Variants in TCF7L2 observed in about 807,000 individuals in gnomAD.
TCF7L2 encodes the protein transcription factor 7-like 2.
In TCF7L2, 23 loss-of-function variants were observed where a neutral mutation model predicts 77.9. The observed-to-expected ratio is 0.30, with a 90% CI of 0.21 to 0.42. TCF7L2 has a LOEUF of 0.42. Among genes scored for constraint, TCF7L2 ranks in the 10% least tolerant of loss-of-function variants. The pLI, the probability that TCF7L2 is intolerant of heterozygous loss-of-function variation, is 1.00. For synonymous variants in TCF7L2, 413 were observed against 340.2 expected, an observed-to-expected ratio of 1.21 and a Z score of -2.36; for missense variants, 654 against 793.1, an observed-to-expected ratio of 0.82 and a Z score of 2.11.
chr10:112,996,430 T>G (rs1275973941), intron 4 of TCF7L2, among the ~76,000 whole-genome samples: 1 of 152,100 alleles, frequency 6.6e-6, no homozygotes, highest in Non-Finnish European at 1.5e-5. Context: ...AAGGAAATAT[T>G]TTATGGAGAG....
At chr10:113,028,257 C>A (rs1468563597) in intron 4 of TCF7L2, among the ~76,000 whole-genome samples, 2 of 152,170 alleles carry the variant, frequency 1.3e-5, no homozygotes, top group African/African-American at 4.8e-5. Flanking sequence ...TAATTTGTTA[C>A]AGCAAGATGA....
chr10:113,008,373 GAT>G (rs2045926983), intron 4 of TCF7L2, among the ~76,000 whole-genome samples: 1 of 152,180 alleles, frequency 6.6e-6, no homozygotes, highest in Non-Finnish European at 1.5e-5. Flanking sequence ...AGTGCCCCCA[GAT>G]ACACCTGTCT....
intron 4 of TCF7L2, among the ~76,000 whole-genome samples, chr10:113,023,256 T>C (rs746594025): frequency 5.9e-5 from 9 of 152,194 alleles, no homozygotes; most frequent in Non-Finnish European, 1.3e-4. Context: ...GAAGACCTTT[T>C]GGTTGGGATG....
At chr10:113,157,695 T>G (rs2072243452) in intron 11 of TCF7L2, 1 of 254,600 alleles carries the variant, frequency 3.9e-6, no homozygotes, top group African/African-American at 2.2e-5. Flanking sequence ...TGAATCTTCC[T>G]CGTGCCGTCC....
intron 11 of TCF7L2, 149 bp downstream of exon 11, chr10:113,152,589 A>G: frequency 1.6e-6 from 1 of 628,178 alleles, no homozygotes; most frequent in East Asian, 2.8e-5. Flanking sequence ...ATCTTCCTGG[A>G]TCGCTAAACT....
intron 3 of TCF7L2, among the ~76,000 whole-genome samples, chr10:112,958,106 T>C (rs1464657523): frequency 6.6e-6 from 1 of 152,250 alleles, no homozygotes; most frequent in Admixed American, 6.5e-5. Context: ...GTGGGATCTT[T>C]GAACGGGTTA....
At chr10:113,138,559 T>C (rs994534168) in intron 5 of TCF7L2, among the ~76,000 whole-genome samples, 6 of 152,180 alleles carry the variant, frequency 3.9e-5, no homozygotes, top group African/African-American at 1.4e-4. Flanking sequence ...TTGTGCTTCT[T>C]TACTGTAGAC....
At chr10:113,104,386 GC>G (rs2062013284) in intron 5 of TCF7L2, among the ~76,000 whole-genome samples, 2 of 152,180 alleles carry the variant, frequency 1.3e-5, no homozygotes, top group African/African-American at 4.8e-5. Flanking sequence ...ATAGCCAGAG[GC>G]CAAGATCCCT....
intron 4 of TCF7L2, among the ~76,000 whole-genome samples, chr10:112,990,474 A>G (rs1330795502): frequency 6.6e-6 from 1 of 152,140 alleles, no homozygotes; most frequent in Non-Finnish European, 1.5e-5. Flanking sequence ...TGGGAGGCTG[A>G]GGTGGGTGGA....
chr10:113,023,127 G>C (rs2048513247), intron 4 of TCF7L2, among the ~76,000 whole-genome samples: 1 of 152,172 alleles, frequency 6.6e-6, no homozygotes, highest in African/African-American at 2.4e-5. Context: ...GGCATTAAAG[G>C]CATAGTGTGA....
intron 4 of TCF7L2, among the ~76,000 whole-genome samples, chr10:112,993,268 C>T (rs1052260913): frequency 8.6e-5 from 13 of 151,916 alleles, no homozygotes; most frequent in African/African-American, 2.9e-4. Flanking sequence ...GCATGTAATC[C>T]CGGCACTTTG....
At chr10:113,031,311 C>CT (rs1005933405) in intron 4 of TCF7L2, among the ~76,000 whole-genome samples, 4 of 152,160 alleles carry the variant, frequency 2.6e-5, no homozygotes, top group Admixed American at 2.6e-4. Context: ...ATTATTGACA[C>CT]TGCCCTAGCA....
intron 5 of TCF7L2, among the ~76,000 whole-genome samples, chr10:113,041,021 C>T (rs1194889168): frequency 1.3e-5 from 2 of 152,062 alleles, no homozygotes; most frequent in East Asian, 3.9e-4. Context: ...TACATTTTGC[C>T]TCTATATTGT....
intron 4 of TCF7L2, among the ~76,000 whole-genome samples, chr10:112,991,936 G>A (rs753710253): frequency 3.1e-4 from 47 of 152,156 alleles, no homozygotes; most frequent in Non-Finnish European, 5.7e-4. Flanking sequence ...GGGGTGAAAC[G>A]CCCCCAGGGT....
intron 5 of TCF7L2, among the ~76,000 whole-genome samples, chr10:113,117,681 T>A (rs2136218839): frequency 6.6e-6 from 1 of 152,326 alleles, no homozygotes; most frequent in Non-Finnish European, 1.5e-5. Flanking sequence ...GAAACGGCGG[T>A]CTGACAGCTA....
intron 5 of TCF7L2, among the ~76,000 whole-genome samples, chr10:113,061,985 C>G (rs1364157374): frequency 6.6e-6 from 1 of 152,146 alleles, no homozygotes; most frequent in Non-Finnish European, 1.5e-5. Flanking sequence ...CATTCTACAT[C>G]TGTTTATTTT....
chr10:112,965,405 A>T (rs2036505826), intron 4 of TCF7L2, among the ~76,000 whole-genome samples: 1 of 152,198 alleles, frequency 6.6e-6, no homozygotes, highest in African/African-American at 2.4e-5. Flanking sequence ...CCTTGCTGGG[A>T]TGGATGTACC....
At chr10:113,006,016 G>T (rs902999809) in intron 4 of TCF7L2, among the ~76,000 whole-genome samples, 11 of 152,230 alleles carry the variant, frequency 7.2e-5, no homozygotes, top group African/African-American at 2.6e-4. Flanking sequence ...AACCAGGAGG[G>T]GAGGAGAGAA....
intron 4 of TCF7L2, among the ~76,000 whole-genome samples, chr10:112,973,313 A>T (rs1481982240): frequency 6.6e-6 from 1 of 152,200 alleles, no homozygotes; most frequent in African/African-American, 2.4e-5. Context: ...AAGGGTTCCC[A>T]GCTTGGACTG....
Sources: gnomAD v4.1 joint callset for allele counts (sites outside exome capture counted in the v4.1 genomes callset) on GRCh38, gnomAD v4.1.1 for gene constraint, MANE v1.5 for transcripts, NCBI Gene and HGNC (gene_info 2026-07-23, HGNC 2026-07-21) for gene names.